The following LRRC45 variants were observed in gnomAD, a reference collection of about 807,000 sequenced individuals.
LRRC45 encodes leucine rich repeat containing 45.
LRRC45 carries 73 observed loss-of-function variants against 85.4 expected under a neutral mutation model. That is an observed-to-expected ratio of 0.85 (90% confidence interval 0.71 to 1.04). The LOEUF (loss-of-function observed/expected upper bound fraction) is 1.04. Ranked by LOEUF, LRRC45 falls within the 50% of genes least tolerant of loss-of-function variation. The pLI, the probability that LRRC45 is intolerant of heterozygous loss-of-function variation, is 0.00. For missense variants in LRRC45, 937 were observed against 883.3 expected (o/e 1.06, Z -0.77); for synonymous variants, 429 against 386.0 (o/e 1.11, Z -1.31).
intron 3 of LRRC45, 37 bp downstream of exon 3, chr17:82,024,800 G>T: frequency 6.4e-7 from 1 of 1,557,094 alleles, no homozygotes; most frequent in East Asian, 2.3e-5. Context: ...CTGTCTCTGT[G>T]TGGTTGAGGA....
At chr17:82,028,911 AAGGCCC>A (rs1202517814) in intron 12 of LRRC45, 176 bp from the exon 13 acceptor site, 1 of 715,288 alleles carries the variant, frequency 1.4e-6, no homozygotes. Context: ...AAGAGACACC[AAGGCCC>A]ACTCGTTCAG....
Position 82,030,391 on chromosome 17 carries a change from G to A in LRRC45, c.1741G>A (p.Gly581Ser), listed in dbSNP as rs572163851. ...RVRVELQEQNGRLQAELAAQE... is the reference protein window; with the variant it reads ...RVRVELQEQNSRLQAELAAQE... ...GCGCGTGGAGCTGCAGGAGCAGAAC[G>A]GCCGGCTGCAGGCGGAGCTGGCGGC... Residue 581 changes from glycine to serine, a missense_variant, in exon 16 of 17, where the codon GGC becomes AGC. Coordinates refer to ENST00000306688, the MANE Select transcript of LRRC45 (RefSeq NM_144999.4). 6 of 1,549,934 alleles carry A rather than the reference G, an allele frequency of 3.9e-6. No individual in the cohort carries two copies. In the African/African-American group the frequency reaches 4.1e-5, roughly 11 times the overall value.
At chr17:82,024,972 T>C (rs756562145) in intron 3 of LRRC45, 28 bp from the exon 4 acceptor site, 2 of 1,527,858 alleles carry the variant, frequency 1.3e-6, no homozygotes, top group Non-Finnish European at 8.8e-7. Flanking sequence ...GTCCCCTAGG[T>C]GAACACTGGC....
rs746167982 is a variant in LRRC45, at chr17:82,028,254, T to G, written c.1068T>G (p.Ser356=). The G allele has an allele frequency of 7.0e-6, 11 of 1,578,304 alleles. No individual in the cohort carries two copies. The highest frequency in any genetic ancestry group is 7.7e-6 in the Non-Finnish European group (9 of 1,161,972). Residue 356 remains serine, a synonymous_variant, in exon 10 of 17, where the codon TCT becomes TCG. Transcript: ENST00000306688. ...CCCAGGAAGCTGCAGAGCGGGAGTC[T>G]AAACTCCTCAGAGACTTGTCTGCTG... is the stretch of plus-strand genomic sequence containing the variant. ...LEQQEAAERE[S]KLLRDLSAAN...
chr17:82,025,099 C>G lies in LRRC45; in HGVS notation c.453C>G (p.Leu151=), dbSNP rs763664918. ...ACGGCGCCCTGCAGCGGCTGGACCT[C>G]CGCAACAACCAGATCAGTCACAAGG... The part of the protein sequence containing the change: ...AANGALQRLD[L]RNNQISHKGA... Residue 151 remains leucine, a synonymous_variant, in exon 4 of 17, where the codon CTC becomes CTG. Coordinates refer to ENST00000306688, the MANE Select transcript of LRRC45 (RefSeq NM_144999.4). 6.2e-7 allele frequency: 1 copy of G among 1,610,962 alleles called. No individual in the cohort carries two copies. Among genetic ancestry groups the G allele is most frequent in the South Asian group, 1.1e-5 (1 of 90,854 alleles).
At position 82,029,054 on chromosome 17, in the gene LRRC45, G is replaced by A. The variant is rs143890838; in HGVS notation, c.1309-39G>A. The A allele has an allele frequency of 3.2e-5, 51 of 1,585,476 alleles. No homozygotes were observed. The East Asian group carries it at 6.5e-4, about 20-fold the overall frequency. On this transcript the variant is annotated intron_variant, in intron 12 of 16. Coordinates refer to ENST00000306688, the MANE Select transcript of LRRC45 (RefSeq NM_144999.4). ...CCGTGAGGAGAAGGTAGGGAGGCCC[G>A]CTCTCCACTCTGGCCCCACAATCCC...
Position 82,030,387 on chromosome 17 carries a change from G to A in LRRC45, c.1737G>A (p.Gln579=). 1 of 1,549,946 alleles carries A rather than the reference G, an allele frequency of 6.5e-7. No individual in the cohort carries two copies. Among genetic ancestry groups the A allele is most frequent in the Non-Finnish European group, 8.7e-7 (1 of 1,146,950 alleles). ...GGGTGCGCGTGGAGCTGCAGGAGCA[G>A]AACGGCCGGCTGCAGGCGGAGCTGG... is the stretch of plus-strand genomic sequence containing the variant. The part of the protein sequence containing the change: ...VSRVRVELQE[Q]NGRLQAELAA... The change falls in exon 16 of 17, where the codon CAG becomes CAA. Residue 579 remains glutamine (Q), a synonymous_variant. Transcript: ENST00000306688.
Position 82,023,343 on chromosome 17 carries a change from G to A in LRRC45, c.-301G>A. The A allele has an allele frequency of 2.2e-6, 1 of 462,998 alleles. No individual in the cohort carries two copies. Among genetic ancestry groups the A allele is most frequent in the South Asian group, 3.5e-5 (1 of 28,968 alleles). The allele number at this position is 462,998 out of a possible 1,614,324, so 28.7% of individuals were successfully genotyped here. A position where few individuals can be genotyped will look rare whatever the true frequency, so the allele number is the denominator to read the frequency against. On this transcript the variant is annotated 5_prime_UTR_variant, in exon 1 of 17. Coordinates refer to ENST00000306688, the MANE Select transcript of LRRC45 (RefSeq NM_144999.4). ...ACTGAGGCCCCGACGCGGCTGTCGC[G>A]AGGGCGGGGGTCGGGGCTGCAGGCG...
Position 82,024,746 on chromosome 17 carries a change from G to A in LRRC45, c.336G>A (p.Gln112=), listed in dbSNP as rs369785505. Residue 112 remains glutamine, a synonymous_variant, in exon 3 of 17, where the codon CAG becomes CAA. Coordinates refer to ENST00000306688, the MANE Select transcript of LRRC45 (RefSeq NM_144999.4). ...GAEALGKLLQ[Q]NKSIQSLTLE... is the part of the protein sequence containing the mutation. ...AGGCTCTGGGAAAACTCCTCCAACA[G>A]AACAAGTCCATTCAGAGGTGGGTGG... The A allele has an allele frequency of 1.9e-6, 3 of 1,579,650 alleles. No individual in the cohort carries two copies. Among genetic ancestry groups the A allele is most frequent in the Non-Finnish European group, 1.7e-6 (2 of 1,167,170 alleles).
chr17:82,030,786 C>A lies in LRRC45; in HGVS notation c.1994C>A (p.Thr665Asn). The A allele has an allele frequency of 7.2e-7, 1 of 1,386,320 alleles. No homozygotes were observed. The allele number at this position is 1,386,320 out of a possible 1,614,324, so 85.9% of individuals were successfully genotyped here. The part of the protein sequence containing the change: ...LAYVQASPVR[T>N]LSPPK Reference sequence around the variant, plus strand: ...TACGTGCAGGCGTCCCCCGTGAGGACCCTGAGCCCCCCAAAGTGAGACAGG... The same window carrying A: ...TACGTGCAGGCGTCCCCCGTGAGGAACCTGAGCCCCCCAAAGTGAGACAGG... Residue 665 changes from threonine (T) to asparagine (N), a missense_variant, in exon 17 of 17, where the codon ACC (threonine) becomes AAC (asparagine). Coordinates refer to ENST00000306688, the MANE Select transcript of LRRC45 (RefSeq NM_144999.4).
chr17:82,024,101 C>G, intron 1 of LRRC45, 177 bp from the exon 2 acceptor site: 1 of 788,810 alleles, frequency 1.3e-6, no homozygotes, highest in South Asian at 1.8e-5. Context: ...TGGTGCCTGG[C>G]AGGGGCTGCA....
chr17:82,027,578 A>G, intron 7 of LRRC45, 96 bp from the exon 8 acceptor site: 1 of 1,538,258 alleles, frequency 6.5e-7, no homozygotes. Context: ...AGGCGACCAT[A>G]GATGCTTAAG....
chr17:82,029,411 A>C, intron 13 of LRRC45, 132 bp from the exon 14 acceptor site: 1 of 1,075,386 alleles, frequency 9.3e-7, no homozygotes, highest in Non-Finnish European at 1.4e-6. Flanking sequence ...GCTAGGTGGC[A>C]GAGCAGCTGC....
rs1315163162 is a variant in LRRC45, at chr17:82,025,995, C to T, written c.661+488C>T. 2.0e-5 allele frequency among the ~76,000 whole-genome samples: 3 copies of T among 152,308 alleles called. No individual in the cohort carries two copies. The East Asian group carries it at 5.8e-4, about 29-fold the overall frequency. The stretch of plus-strand genomic sequence containing the variant: ...CAGCTGATGTCTCAGCCTCAGGCCC[C>T]AGTGCCCCAGACTCAGCTGGGGACT... On this transcript the variant is annotated intron_variant, in intron 5 of 16. Transcript: ENST00000306688.
In LRRC45 at chr17:82,030,214, G is replaced by A. The variant is rs2043405926; in HGVS notation, c.1644G>A (p.Arg548=). The change falls in exon 15 of 17, where the codon CGG becomes CGA. Residue 548 remains arginine, a synonymous_variant. Coordinates refer to ENST00000306688, the MANE Select transcript of LRRC45 (RefSeq NM_144999.4). ...SQLGLQVEGL[R]RRLEELQQEL... ...TGGGCCTGCAAGTTGAGGGCCTGCG[G>A]CGGCGCCTGGAAGAGCTGCAGCAGG... The A allele has an allele frequency of 6.5e-7, 1 of 1,537,456 alleles. No individual in the cohort carries two copies. Among genetic ancestry groups the A allele is most frequent in the Non-Finnish European group, 8.8e-7 (1 of 1,138,998 alleles).
chr17:82,024,701 C>A lies in LRRC45; in HGVS notation c.291C>A (p.Asn97Lys), dbSNP rs776668576. 2 of 1,572,588 alleles carry A rather than the reference C, an allele frequency of 1.3e-6. No homozygotes were observed. Among genetic ancestry groups the A allele is most frequent in the Non-Finnish European group, 1.7e-6 (2 of 1,163,274 alleles). Reference sequence around the variant, plus strand: ...GCCTGTTTCTCTCCTAGGGCAACAACCTTCGGGCTGCAGGGGCCGAGGCTC... The same window carrying A: ...GCCTGTTTCTCTCCTAGGGCAACAAACTTCGGGCTGCAGGGGCCGAGGCTC... ...VLRFLDLKGNNLRAAGAEALG... is the reference protein window; with the variant it reads ...VLRFLDLKGNKLRAAGAEALG... Residue 97 changes from asparagine (N) to lysine (K), a missense_variant, in exon 3 of 17, where the codon AAC (asparagine) becomes AAA (lysine). Coordinates refer to ENST00000306688, the MANE Select transcript of LRRC45 (RefSeq NM_144999.4).
rs780676989 is a variant in LRRC45 at position 82,028,513 on chromosome 17, G to T, written c.1237+5G>T. ...TGCGGGCCATCCAGGCCGAGGGTGG[G>T]CACGGGCAGGCCTGCTGTGGAGGGG... On this transcript the variant is annotated splice_donor_5th_base_variant and intron_variant, in intron 11 of 16. Coordinates refer to ENST00000306688, the MANE Select transcript of LRRC45 (RefSeq NM_144999.4). 6.2e-7 allele frequency: 1 copy of T among 1,612,214 alleles called. No homozygotes were observed. The highest frequency in any genetic ancestry group is 1.1e-5 in the South Asian group (1 of 90,998).
chr17:82,025,254 G>A (rs1241391375), intron 4 of LRRC45, 76 bp downstream of exon 4: 1 of 1,532,904 alleles, frequency 6.5e-7, no homozygotes, highest in African/African-American at 1.4e-5. Flanking sequence ...AGGGGCTAGG[G>A]GACTGGCCTG....
chr17:82,024,604 C>A, intron 2 of LRRC45, 89 bp from the exon 3 acceptor site: 1 of 1,422,788 alleles, frequency 7.0e-7, no homozygotes, highest in South Asian at 1.4e-5. Flanking sequence ...CCAGGCTTGT[C>A]CCCTGGCTGA....
Sources: allele counts gnomAD v4.1 joint callset (sites outside exome capture counted in the v4.1 genomes callset), GRCh38; gene constraint gnomAD v4.1.1; transcripts MANE v1.5; gene names NCBI Gene and HGNC (gene_info 2026-07-23, HGNC 2026-07-21).